CTNND2: variants seen among roughly 807,000 people sequenced by gnomAD.
CTNND2 encodes catenin delta-2.
CTNND2 carries 22 observed loss-of-function variants against 144.4 expected under a neutral mutation model. The observed-to-expected ratio is 0.15, with a 90% confidence interval of 0.11 to 0.22. The LOEUF is 0.22. Ranked by LOEUF, CTNND2 falls within the 10% of genes least tolerant of loss-of-function variation. The pLI, the probability that CTNND2 is intolerant of heterozygous loss-of-function variation, is 1.00. For missense variants in CTNND2, 1,353 were observed against 1,618.8 expected, an observed-to-expected ratio of 0.84 and a Z score of 2.82; for synonymous variants, 751 against 695.6, an observed-to-expected ratio of 1.08 and a Z score of -1.25.
At chr5:11,203,283 A>G (rs1317664355) in intron 10 of CTNND2, among the ~76,000 whole-genome samples, 1 of 152,074 alleles carries the variant, frequency 6.6e-6, no homozygotes, top group Non-Finnish European at 1.5e-5. Flanking sequence ...CTCCCCCAAA[A>G]CGACAAGTTG....
Position 11,384,893 on chromosome 5 carries a change from T to C in CTNND2, c.949A>G (p.Ile317Val). Reference protein sequence around the residue: ...LAKSYSTSSPINIVVSSAGLS... With the variant: ...LAKSYSTSSPVNIVVSSAGLS... Reference sequence around the variant, plus strand: ...CCGGCCGAGGACACGACGATGTTGATGGGCGAGCTGGTGCTGTAGGACTTG... The same window carrying C: ...CCGGCCGAGGACACGACGATGTTGACGGGCGAGCTGGTGCTGTAGGACTTG... The change falls in exon 7 of 22, where the codon ATC becomes GTC. Residue 317 changes from isoleucine to valine, a missense_variant. By Grantham distance (29) the Ile-to-Val change is conservative. Around this residue, in one of 4 missense-constraint regions of CTNND2, gnomAD observed 708 missense variants for 706.4 expected, o/e 1.00. Transcript: ENST00000304623. This position sits in a 1 kb window ranked among gnomAD's most constrained non-coding sequence, Gnocchi z 5.2. 1 of 1,610,400 alleles carries C rather than the reference T, an allele frequency of 6.2e-7. No homozygotes were observed. The highest frequency in any genetic ancestry group is 8.5e-7 in the Non-Finnish European group (1 of 1,178,968).
At chr5:11,497,528 G>A (rs1481952238) in intron 3 of CTNND2, among the ~76,000 whole-genome samples, 3 of 84,664 alleles carry the variant, frequency 3.5e-5, no homozygotes, top group Non-Finnish European at 7.0e-5. Context: ...GTGGGGGGGG[G>A]CAATATGTGC....
chr5:11,198,802 C>T (rs1336671430), intron 11 of CTNND2, among the ~76,000 whole-genome samples: 1 of 152,194 alleles, frequency 6.6e-6, no homozygotes, highest in East Asian at 1.9e-4. Flanking sequence ...GGGATGACAG[C>T]TTATGGCTAA....
chr5:11,714,210 A>G (rs1786211616), intron 2 of CTNND2, among the ~76,000 whole-genome samples: 1 of 152,214 alleles, frequency 6.6e-6, no homozygotes, highest in Non-Finnish European at 1.5e-5. Context: ...GAAAAAAGGG[A>G]AACCCTATCA....
At position 11,470,972 on chromosome 5, in the gene CTNND2, ATATATATATTTTTT is replaced by A. The variant is rs1305841566; in HGVS notation, c.288-58917_288-58904del. 3.8e-3 allele frequency among the ~76,000 whole-genome samples: 372 copies of A among 98,394 alleles called. 6 individuals carry two copies. Among genetic ancestry groups the A allele is most frequent in the African/African-American group, 0.017 (359 of 20,636 alleles). The allele number at this position is 98,394 out of a possible 152,430, so 64.6% of individuals were successfully genotyped here. A position where few individuals can be genotyped will look rare whatever the true frequency, so the allele number is the denominator to read the frequency against. ...ATACAAAGTATATATATATATATAT[ATATATATATTTTTT>A]TTTTTTTTTTAGATGGAGTCTCTCT... is the stretch of plus-strand genomic sequence containing the variant. On this transcript the variant is annotated intron_variant, in intron 3 of 21. Coordinates refer to ENST00000304623, the MANE Select transcript of CTNND2 (RefSeq NM_001332.4).
intron 3 of CTNND2, among the ~76,000 whole-genome samples, chr5:11,444,502 G>A (rs1021360044): frequency 6.6e-6 from 1 of 152,140 alleles, no homozygotes; most frequent in African/African-American, 2.4e-5. Flanking sequence ...ATAAGATGAA[G>A]GGCAGTCTGA....
At chr5:11,366,062 G>C (rs189168383) in intron 7 of CTNND2, among the ~76,000 whole-genome samples, 12 of 152,260 alleles carry the variant, frequency 7.9e-5, no homozygotes, top group Admixed American at 2.0e-4. Flanking sequence ...ACATATCAGG[G>C]TGCTGGGATT....
In CTNND2 at chr5:11,489,298, G is replaced by C. The variant is rs961598100; in HGVS notation, c.287+75646C>G. Among the ~76,000 whole-genome samples the C allele has an allele frequency of 4.6e-5, 7 of 152,028 alleles. No individual in the cohort carries two copies. In the East Asian group the frequency reaches 1.3e-3, roughly 29 times the overall value. On this transcript the variant is annotated intron_variant, in intron 3 of 21. Coordinates refer to ENST00000304623, the MANE Select transcript of CTNND2 (RefSeq NM_001332.4). ...CATTTGCATTTCCCCAGTGGTTAACGATATTCAACATCCATGTGCTTAGTT... is the reference window on the plus strand; with the variant it reads ...CATTTGCATTTCCCCAGTGGTTAACCATATTCAACATCCATGTGCTTAGTT...
At chr5:11,354,732 T>C (rs542430863) in intron 8 of CTNND2, among the ~76,000 whole-genome samples, 6 of 152,310 alleles carry the variant, frequency 3.9e-5, no homozygotes, top group African/African-American at 1.4e-4. Context: ...AGACTTAAAC[T>C]ACGCTCCAGA....
intron 1 of CTNND2, among the ~76,000 whole-genome samples, chr5:11,875,737 A>C (rs977888683): frequency 1.3e-5 from 2 of 152,206 alleles, no homozygotes; most frequent in African/African-American, 4.8e-5. Flanking sequence ...TGGGGAATAA[A>C]TACTGCTGTT....
chr5:11,760,457 G>A (rs1789194026), intron 1 of CTNND2, among the ~76,000 whole-genome samples: 1 of 152,138 alleles, frequency 6.6e-6, no homozygotes, highest in Non-Finnish European at 1.5e-5. Context: ...AAGACAATGA[G>A]ACATAACTGC....
chr5:11,012,968 C>T (rs1207689103), intron 18 of CTNND2, among the ~76,000 whole-genome samples: 1 of 152,208 alleles, frequency 6.6e-6, no homozygotes, highest in East Asian at 1.9e-4. Context: ...TATTAGAATT[C>T]AGCATGTGAT....
chr5:11,680,747 T>C (rs1784390280), intron 2 of CTNND2, among the ~76,000 whole-genome samples: 1 of 152,060 alleles, frequency 6.6e-6, no homozygotes, highest in Admixed American at 6.6e-5. Context: ...GCAGGTGGAC[T>C]GCAGAGGAGG....
intron 1 of CTNND2, among the ~76,000 whole-genome samples, chr5:11,784,379 A>G (rs991029817): frequency 6.6e-6 from 1 of 152,248 alleles, no homozygotes; most frequent in South Asian, 2.1e-4. Flanking sequence ...AAAGAATATC[A>G]GTGGTAACTG....
chr5:11,465,235 CCA>C (rs902719494), intron 3 of CTNND2, among the ~76,000 whole-genome samples: 6 of 152,054 alleles, frequency 3.9e-5, no homozygotes, highest in African/African-American at 1.4e-4. Flanking sequence ...CCAAAAAGCC[CCA>C]GTCTTTTACT....
At chr5:11,148,569 G>A (rs1356487311) in intron 12 of CTNND2, among the ~76,000 whole-genome samples, 2 of 152,188 alleles carry the variant, frequency 1.3e-5, no homozygotes, top group Non-Finnish European at 2.9e-5. Context: ...GACAGTGGAG[G>A]GAGCTTCCAG....
intron 3 of CTNND2, among the ~76,000 whole-genome samples, chr5:11,467,049 T>C (rs1766750800): frequency 6.6e-6 from 1 of 152,234 alleles, no homozygotes; most frequent in Non-Finnish European, 1.5e-5. Context: ...AAAGGTGGTA[T>C]TGCTCACAAG....
At chr5:11,650,966 T>A (rs767304356) in intron 2 of CTNND2, among the ~76,000 whole-genome samples, 28 of 152,182 alleles carry the variant, frequency 1.8e-4, no homozygotes, top group Non-Finnish European at 4.0e-4. Flanking sequence ...AAAAACCCAT[T>A]TTCTGGGGAG....
intron 1 of CTNND2, among the ~76,000 whole-genome samples, chr5:11,855,363 C>T (rs1252228708): frequency 6.6e-6 from 1 of 152,134 alleles, no homozygotes; most frequent in African/African-American, 2.4e-5. Flanking sequence ...ACTGGAAAAA[C>T]AGAGACCAAT....
Sources: gnomAD v4.1 joint callset for allele counts (sites outside exome capture counted in the v4.1 genomes callset) on GRCh38, gnomAD v4.1.1 for gene constraint, gnomAD v4.1.1 regional missense constraint, Gnocchi (gnomAD v3.1) non-coding constraint, MANE v1.5 for transcripts, NCBI Gene and HGNC (gene_info 2026-07-23, HGNC 2026-07-21) for gene names.